NR1H4: variants seen among roughly 807,000 people sequenced by gnomAD.
The protein encoded by NR1H4 is nuclear receptor subfamily 1 group H member 4.
A neutral mutation model predicts 58.5 loss-of-function variants in NR1H4; 23 were observed. The observed-to-expected ratio is 0.39, with a 90% CI of 0.28 to 0.56. NR1H4 has a LOEUF of 0.56. Among genes scored for constraint, NR1H4 ranks in the 20% least tolerant of loss-of-function variants. NR1H4 has a pLI of 0.58. For missense variants in NR1H4, 487 were observed against 576.9 expected (o/e 0.84, Z 1.60); for synonymous variants, 214 against 198.0 (o/e 1.08, Z -0.68).
chr12:100,556,483 A>C (rs539440676), intron 9 of NR1H4, among the ~76,000 whole-genome samples: 24 of 151,106 alleles, frequency 1.6e-4, no homozygotes, highest in African/African-American at 3.9e-4. Flanking sequence ...AAAAAAAAAC[A>C]AAAAACAAAA....
At chr12:100,509,304 A>AT (rs1566443368) in intron 3 of NR1H4, among the ~76,000 whole-genome samples, 2 of 152,070 alleles carry the variant, frequency 1.3e-5, no homozygotes, top group East Asian at 1.9e-4. Context: ...ATTTATGTCT[A>AT]TTTTTTCAGC....
intron 9 of NR1H4, among the ~76,000 whole-genome samples, chr12:100,556,287 G>A (rs1955321125): frequency 6.6e-6 from 1 of 151,888 alleles, no homozygotes. Context: ...GACCAACATG[G>A]AGAAACCCCG....
chr12:100,486,481 G>A (rs1454423188), intron 1 of NR1H4, among the ~76,000 whole-genome samples: 1 of 152,190 alleles, frequency 6.6e-6, no homozygotes, highest in African/African-American at 2.4e-5. Context: ...AGGTGCAAGA[G>A]CACATTTGAG....
intron 9 of NR1H4, among the ~76,000 whole-genome samples, chr12:100,545,965 A>C (rs1955060635): frequency 6.6e-6 from 1 of 152,170 alleles, no homozygotes; most frequent in African/African-American, 2.4e-5. Context: ...GAAGAGCATC[A>C]GATCACAGCA....
At chr12:100,516,639 T>C (rs1055428709) in intron 4 of NR1H4, among the ~76,000 whole-genome samples, 4 of 152,174 alleles carry the variant, frequency 2.6e-5, no homozygotes. Flanking sequence ...GTTCTGGGAT[T>C]ACAGGCGTGA....
chr12:100,505,626 G>A (rs751171929), intron 3 of NR1H4: 131 of 701,014 alleles, frequency 1.9e-4, no homozygotes, highest in African/African-American at 1.3e-3. Context: ...TTAAGAACTC[G>A]TCCCTAAACT....
In NR1H4 at chr12:100,561,885, G is replaced by C; in HGVS notation, c.1079G>C (p.Gly360Ala). The change falls in exon 10 of 11, where the codon GGT (glycine) becomes GCT (alanine). Residue 360 changes from glycine (G) to alanine (A), a missense_variant and splice_region_variant. Physicochemically the swap from Gly to Ala is moderately conservative, Grantham distance 60. Coordinates refer to ENST00000392986, the MANE Select transcript of NR1H4 (RefSeq NM_001206979.2). ...TTATGATTGCAACTTTCCCCCACAGGTATCTCTGATGAATATATAACACCT... is the reference window on the plus strand; with the variant it reads ...TTATGATTGCAACTTTCCCCCACAGCTATCTCTGATGAATATATAACACCT... ...DLLEERIRNS[G>A]ISDEYITPMF... 1 of 1,182,666 alleles carries C rather than the reference G, an allele frequency of 8.5e-7. No individual in the cohort carries two copies. The highest frequency in any genetic ancestry group is 1.3e-6 in the Non-Finnish European group (1 of 787,080). The allele number at this position is 1,182,666 out of a possible 1,614,324, so 73.3% of individuals were successfully genotyped here. A position where few individuals can be genotyped will look rare whatever the true frequency, so the allele number is the denominator to read the frequency against.
intron 9 of NR1H4, among the ~76,000 whole-genome samples, chr12:100,547,997 G>A (rs1955116052): frequency 1.3e-5 from 2 of 150,572 alleles, no homozygotes; most frequent in Admixed American, 6.6e-5. Flanking sequence ...TGGGATTACA[G>A]GCTTGAGCCA....
intron 9 of NR1H4, among the ~76,000 whole-genome samples, chr12:100,541,535 G>A (rs1300328324): frequency 2.0e-5 from 3 of 151,754 alleles, no homozygotes; most frequent in African/African-American, 4.8e-5. Context: ...GCCTGACTTG[G>A]CCTTCCAAAG....
At chr12:100,487,458 AATCT>A (rs1953515156) in intron 1 of NR1H4, among the ~76,000 whole-genome samples, 1 of 152,132 alleles carries the variant, frequency 6.6e-6, no homozygotes, top group African/African-American at 2.4e-5. Flanking sequence ...GCAGCTGGCT[AATCT>A]ATCCTGCATC....
At chr12:100,499,792 G>A (rs17030224) in intron 3 of NR1H4, 1 of 451,388 alleles carries the variant, frequency 2.2e-6, no homozygotes, top group African/African-American at 2.0e-5. Flanking sequence ...TATTTCTTGA[G>A]TGCTTTATAG....
chr12:100,563,135 C>A, intron 10 of NR1H4, 116 bp from the exon 11 acceptor site: 2 of 822,554 alleles, frequency 2.4e-6, no homozygotes, highest in Non-Finnish European at 4.0e-6. Flanking sequence ...TTAATTTTCA[C>A]ATTTTGTGTA....
At chr12:100,539,472 G>A (rs1954888040) in intron 8 of NR1H4, among the ~76,000 whole-genome samples, 1 of 152,146 alleles carries the variant, frequency 6.6e-6, no homozygotes, top group Non-Finnish European at 1.5e-5. Flanking sequence ...GATTCTCTCG[G>A]ATGGTGGCTC....
At chr12:100,514,599 T>C (rs1954215012) in intron 4 of NR1H4, among the ~76,000 whole-genome samples, 1 of 152,164 alleles carries the variant, frequency 6.6e-6, no homozygotes, top group Non-Finnish European at 1.5e-5. Context: ...CAGACATTGC[T>C]AAATGTCCTC....
At chr12:100,482,551 A>G (rs562807251) in intron 1 of NR1H4, among the ~76,000 whole-genome samples, 4 of 152,330 alleles carry the variant, frequency 2.6e-5, no homozygotes, top group African/African-American at 9.6e-5. Flanking sequence ...TGGAGATCCA[A>G]TGTAATCTCT....
chr12:100,528,505 C>T (rs2136218168), intron 4 of NR1H4, among the ~76,000 whole-genome samples: 1 of 152,322 alleles, frequency 6.6e-6, no homozygotes, highest in East Asian at 1.9e-4. Context: ...CCCCAGATGG[C>T]AATGCCAACC....
intron 4 of NR1H4, among the ~76,000 whole-genome samples, chr12:100,530,365 T>A (rs1954662223): frequency 6.6e-6 from 1 of 152,176 alleles, no homozygotes; most frequent in African/African-American, 2.4e-5. Context: ...ATCATAAAAT[T>A]GATATAAGAA....
chr12:100,563,544 G>A lies in NR1H4; in HGVS notation c.*55G>A, dbSNP rs572547260. On this transcript the variant is annotated 3_prime_UTR_variant, in exon 11 of 11. Transcript: ENST00000392986. The stretch of plus-strand genomic sequence containing the variant: ...TTTTTCTCTCTCATATTAATCTGAT[G>A]TATAACTTTCCTTTATTTCACTTGT... 3.0e-6 allele frequency: 4 copies of A among 1,337,338 alleles called. No individual in the cohort carries two copies. The African/African-American group carries it at 4.3e-5, about 14-fold the overall frequency. The allele number at this position is 1,337,338 out of a possible 1,614,324, so 82.8% of individuals were successfully genotyped here.
intron 3 of NR1H4, among the ~76,000 whole-genome samples, chr12:100,498,801 C>G (rs1346278117): frequency 3.3e-5 from 5 of 152,122 alleles, no homozygotes; most frequent in Non-Finnish European, 5.9e-5. Context: ...CTGATTGAGG[C>G]CTAGCAAGTG....
Sources: allele counts gnomAD v4.1 joint callset (sites outside exome capture counted in the v4.1 genomes callset), GRCh38; gene constraint gnomAD v4.1.1; transcripts MANE v1.5; gene names NCBI Gene and HGNC (gene_info 2026-07-23, HGNC 2026-07-21).